Variants in GPC6 observed in about 807,000 individuals in gnomAD.
GPC6 encodes glypican 6.
In GPC6, 14 loss-of-function variants were observed where a neutral mutation model predicts 55.2. The ratio of observed to expected loss-of-function variants is 0.25; its 90% CI spans 0.17 to 0.40. The LOEUF (loss-of-function observed/expected upper bound fraction) is 0.40. Among genes scored for constraint, GPC6 ranks in the 10% least tolerant of loss-of-function variants. The pLI, the probability that GPC6 is intolerant of heterozygous loss-of-function variation, is 1.00. For synonymous variants in GPC6, 278 were observed against 259.6 expected, an observed-to-expected ratio of 1.07 and a Z score of -0.68; for missense variants, 641 against 708.5, an observed-to-expected ratio of 0.90 and a Z score of 1.08.
chr13:93,571,361 T>C (rs917341200), intron 2 of GPC6, among the ~76,000 whole-genome samples: 5 of 152,200 alleles, frequency 3.3e-5, no homozygotes, highest in Admixed American at 6.5e-5. Context: ...AATGTTTTCA[T>C]TTAGGGTAAA....
chr13:93,934,745 A>C (rs567937015), intron 3 of GPC6, among the ~76,000 whole-genome samples: 269 of 151,430 alleles, frequency 1.8e-3, no homozygotes, highest in Non-Finnish European at 3.2e-3. Flanking sequence ...CATCATCTGA[A>C]TGTTTTATAT....
In GPC6 at chr13:93,647,266, T is replaced by G. The variant is rs577210665; in HGVS notation, c.319+101845T>G. Among the ~76,000 whole-genome samples the G allele has an allele frequency of 1.1e-3, 162 of 152,296 alleles. 1 individual carries two copies. Among genetic ancestry groups the G allele is most frequent in the East Asian group, 4.1e-3 (21 of 5,182 alleles). On this transcript the variant is annotated intron_variant, in intron 2 of 8. Transcript: ENST00000377047. ...AAAATGCATTTTATAATATGGATGTTTCTCTTTTTTCCAGCTAATTTTTTA... is the reference window on the plus strand; with the variant it reads ...AAAATGCATTTTATAATATGGATGTGTCTCTTTTTTCCAGCTAATTTTTTA...
intron 5 of GPC6, among the ~76,000 whole-genome samples, chr13:94,300,963 A>C (rs1875617011): frequency 6.6e-6 from 1 of 152,216 alleles, no homozygotes; most frequent in Non-Finnish European, 1.5e-5. Context: ...TTCTATCTGA[A>C]TCACGTCTCT....
At chr13:93,544,568 A>G (rs952268202) in intron 1 of GPC6, among the ~76,000 whole-genome samples, 30 of 152,362 alleles carry the variant, frequency 2.0e-4, no homozygotes, top group African/African-American at 7.2e-4. Flanking sequence ...ATTGGCTTCT[A>G]CTTGCAAATA....
chr13:93,725,318 T>TC (rs1286953226), intron 2 of GPC6, among the ~76,000 whole-genome samples: 11 of 152,028 alleles, frequency 7.2e-5, no homozygotes, highest in African/African-American at 2.4e-4. Context: ...CTCTTAGTAG[T>TC]CTTTGAGTTT....
intron 2 of GPC6, among the ~76,000 whole-genome samples, chr13:93,713,582 C>T (rs1285825896): frequency 6.6e-6 from 1 of 151,586 alleles, no homozygotes. Flanking sequence ...CTCACTGAAA[C>T]CTTGAACTAC....
At chr13:94,185,324 G>T (rs931422819) in intron 4 of GPC6, among the ~76,000 whole-genome samples, 2 of 150,680 alleles carry the variant, frequency 1.3e-5, no homozygotes, top group Non-Finnish European at 2.9e-5. Flanking sequence ...ATAACATTCT[G>T]GATTACCTGC....
At chr13:93,733,732 C>T (rs1468382845) in intron 2 of GPC6, among the ~76,000 whole-genome samples, 1 of 151,976 alleles carries the variant, frequency 6.6e-6, no homozygotes, top group Non-Finnish European at 1.5e-5. Flanking sequence ...ACATGCAGAA[C>T]AATAGAACCA....
intron 1 of GPC6, among the ~76,000 whole-genome samples, chr13:93,379,040 AATAT>A (rs1177937095): frequency 6.6e-6 from 1 of 152,058 alleles, no homozygotes; most frequent in Non-Finnish European, 1.5e-5. Flanking sequence ...AATAGTTTAT[AATAT>A]ACTTATACAA....
chr13:94,313,323 T>A (rs1459428081), intron 6 of GPC6, among the ~76,000 whole-genome samples: 1 of 152,228 alleles, frequency 6.6e-6, no homozygotes, highest in Admixed American at 6.5e-5. Flanking sequence ...CGAATCTAAT[T>A]CAATGGTATG....
At chr13:94,033,186 A>T (rs910779074) in intron 4 of GPC6, among the ~76,000 whole-genome samples, 1 of 152,236 alleles carries the variant, frequency 6.6e-6, no homozygotes, top group East Asian at 1.9e-4. Context: ...CTAATTCAGT[A>T]ATTTAAAAAT....
intron 3 of GPC6, among the ~76,000 whole-genome samples, chr13:93,971,930 G>A (rs138636728): frequency 6.4e-4 from 97 of 152,240 alleles, no homozygotes; most frequent in Non-Finnish European, 6.2e-4. Context: ...CTAGGCTCAC[G>A]CTGGGCAGGA....
At chr13:94,334,470 A>C (rs539944833) in intron 6 of GPC6, among the ~76,000 whole-genome samples, 148 of 152,322 alleles carry the variant, frequency 9.7e-4, no homozygotes, top group African/African-American at 3.4e-3. Flanking sequence ...CATGCCATGA[A>C]ATTCTAGTGT....
chr13:93,712,017 C>G (rs1883086174), intron 2 of GPC6, among the ~76,000 whole-genome samples: 1 of 151,692 alleles, frequency 6.6e-6, no homozygotes, highest in Non-Finnish European at 1.5e-5. Flanking sequence ...CATGCTACCT[C>G]CCTCACTCTT....
At chr13:93,830,615 A>T (rs1290288140) in intron 3 of GPC6, 70 bp downstream of exon 3, 1 of 998,344 alleles carries the variant, frequency 1.0e-6, no homozygotes, top group East Asian at 3.2e-5. Context: ...CAATGTTTAA[A>T]AAAAAAAAAA....
Position 93,641,752 on chromosome 13 carries a change from C to A in GPC6, c.319+96331C>A, listed in dbSNP as rs1159876704. 2.6e-5 allele frequency among the ~76,000 whole-genome samples: 4 copies of A among 152,112 alleles called. 1 individual carries two copies. The highest frequency in any genetic ancestry group is 9.6e-5 in the African/African-American group (4 of 41,510). On this transcript the variant is annotated intron_variant, in intron 2 of 8. Transcript: ENST00000377047. ...TGGACCCCAGCATATTAGTAACATTCTTTGCATTTTATAAAGGAAAACATT... is the reference window on the plus strand; with the variant it reads ...TGGACCCCAGCATATTAGTAACATTATTTGCATTTTATAAAGGAAAACATT...
intron 4 of GPC6, among the ~76,000 whole-genome samples, chr13:94,274,072 T>C (rs1320350749): frequency 2.6e-5 from 4 of 152,212 alleles, no homozygotes; most frequent in African/African-American, 7.2e-5. Context: ...AATGAGATGA[T>C]GCTTACATGA....
intron 3 of GPC6, among the ~76,000 whole-genome samples, chr13:93,865,321 TC>T (rs1888928679): frequency 1.3e-5 from 2 of 151,746 alleles, no homozygotes; most frequent in Non-Finnish European, 3.0e-5. Flanking sequence ...ATGATAAATG[TC>T]TGGCCTACTT....
chr13:93,413,617 A>G (rs991507405), intron 1 of GPC6, among the ~76,000 whole-genome samples: 1 of 147,654 alleles, frequency 6.8e-6, no homozygotes, highest in Non-Finnish European at 1.5e-5. Flanking sequence ...ATTTTTTGCT[A>G]TTATTCAGTA....
Sources: allele counts gnomAD v4.1 joint callset (sites outside exome capture counted in the v4.1 genomes callset), GRCh38; gene constraint gnomAD v4.1.1; transcripts MANE v1.5; gene names NCBI Gene and HGNC (gene_info 2026-07-23, HGNC 2026-07-21).